SP140L: variants seen among roughly 807,000 people sequenced by gnomAD.
SP140L encodes the protein nuclear body protein SP140-like protein.
SP140L carries 64 observed loss-of-function variants against 84.3 expected under a neutral mutation model. The ratio of observed to expected loss-of-function variants is 0.76; its 90% CI spans 0.62 to 0.94. SP140L has a LOEUF of 0.94. Ranked by LOEUF, SP140L falls within the 40% of genes least tolerant of loss-of-function variation. The pLI is 0.00. For missense variants in SP140L, 628 were observed against 692.5 expected (o/e 0.91, Z 1.05); for synonymous variants, 242 against 236.9 (o/e 1.02, Z -0.20).
At chr2:230,366,701 GATTATTATCTATT>G (rs890989717) in intron 5 of SP140L, among the ~76,000 whole-genome samples, 20 of 88,218 alleles carry the variant, frequency 2.3e-4, no homozygotes, top group African/African-American at 1.1e-3. Context: ...TTGTTTTGTG[GATTATTATCTATT>G]ATTATTATTA....
intron 2 of SP140L, among the ~76,000 whole-genome samples, chr2:230,354,717 A>G (rs966164859): frequency 2.1e-5 from 3 of 140,680 alleles, no homozygotes; most frequent in South Asian, 2.6e-4. Flanking sequence ...TGAGGCTGCC[A>G]TGAACTATGA....
At chr2:230,350,708 A>G (rs1266926632) in intron 2 of SP140L, among the ~76,000 whole-genome samples, 1 of 152,100 alleles carries the variant, frequency 6.6e-6, no homozygotes, top group Admixed American at 6.6e-5. Flanking sequence ...AAGAGCATGG[A>G]AAAAAGAGAG....
chr2:230,330,570 AT>A (rs1297598510), intron 2 of SP140L, among the ~76,000 whole-genome samples: 1 of 152,240 alleles, frequency 6.6e-6, no homozygotes, highest in Non-Finnish European at 1.5e-5. Flanking sequence ...CATATTTACA[AT>A]ATTATGCCTT....
chr2:230,333,409 C>T (rs1225059957), intron 2 of SP140L, among the ~76,000 whole-genome samples: 2 of 152,120 alleles, frequency 1.3e-5, no homozygotes, highest in African/African-American at 4.8e-5. Flanking sequence ...CCACTCGCTT[C>T]GGCCTCCCAA....
chr2:230,388,852 G>T, intron 10 of SP140L: 1 of 400,934 alleles, frequency 2.5e-6, no homozygotes, highest in South Asian at 4.2e-5. Context: ...GCCCCAGGGG[G>T]TCACTAAAGT....
chr2:230,360,859 G>C (rs897133314), intron 4 of SP140L, among the ~76,000 whole-genome samples: 2 of 152,166 alleles, frequency 1.3e-5, no homozygotes, highest in East Asian at 1.9e-4. Flanking sequence ...TCTGGGAACT[G>C]TTCATCCTCC....
chr2:230,389,981 G>T lies in SP140L; in HGVS notation c.922G>T (p.Gly308Cys). 6.2e-7 allele frequency: 1 copy of T among 1,613,842 alleles called. No homozygotes were observed. ...GGCTCCTTTACTTCCAGTGACCTGT[G>T]GTGGGGTGAAGGGAATTTTACATAA... The part of the protein sequence containing the change: ...FQAPLLPVTC[G>C]GVKGILHKEK... Residue 308 changes from glycine (G) to cysteine (C), a missense_variant, in exon 11 of 19, where the codon GGT becomes TGT. Coordinates refer to ENST00000415673, the MANE Select transcript of SP140L (RefSeq NM_138402.6).
intron 8 of SP140L, among the ~76,000 whole-genome samples, chr2:230,383,936 CAT>C (rs1559449444): frequency 1.3e-5 from 2 of 151,910 alleles, no homozygotes; most frequent in Admixed American, 6.6e-5. Context: ...TATATATATA[CAT>C]ATATATAACC....
intron 18 of SP140L, among the ~76,000 whole-genome samples, chr2:230,402,344 A>G (rs71415749): frequency 1.2e-4 from 19 of 152,348 alleles, no homozygotes; most frequent in East Asian, 7.7e-4. Context: ...CAAAGGCAAA[A>G]AAGTAATAAT....
chr2:230,373,443 A>G (rs2061149883), intron 7 of SP140L, among the ~76,000 whole-genome samples: 1 of 152,200 alleles, frequency 6.6e-6, no homozygotes, highest in African/African-American at 2.4e-5. Flanking sequence ...CCATTCTGAA[A>G]GTCCTAGGGC....
intron 9 of SP140L, 45 bp from the exon 10 acceptor site, chr2:230,388,514 C>T: frequency 2.6e-6 from 4 of 1,520,034 alleles, no homozygotes; most frequent in South Asian, 2.5e-5. Flanking sequence ...ATATGTAACA[C>T]AGCTGCTCAT....
Position 230,400,157 on chromosome 2 carries a change from C to T in SP140L, c.1228C>T (p.Arg410Trp), listed in dbSNP as rs140785296. 3.5e-4 allele frequency: 557 copies of T among 1,614,098 alleles called. 4 individuals are homozygous for T. The African/African-American group carries it at 5.6e-3, about 16-fold the overall frequency. ...AAACTTGGATGAGTGTGAGGTGTGC[C>T]GGGACGGAGGGGAGCTGTTCTGTTG... ...MRNLDECEVC[R>W]DGGELFCCDT... Residue 410 changes from arginine (R) to tryptophan (W), a missense_variant, in exon 15 of 19, where the codon CGG (arginine) becomes TGG (tryptophan). This residue lies in a region of SP140L where 525 missense variants were observed against 518.4 expected (regional missense o/e 1.01). Coordinates refer to ENST00000415673, the MANE Select transcript of SP140L (RefSeq NM_138402.6).
At chr2:230,332,274 C>A (rs1352716477) in intron 2 of SP140L, among the ~76,000 whole-genome samples, 1 of 152,164 alleles carries the variant, frequency 6.6e-6, no homozygotes, top group Non-Finnish European at 1.5e-5. Context: ...ATTAAAATAT[C>A]AAACAGTCAA....
At chr2:230,364,458 C>T (rs2396745) in intron 5 of SP140L, among the ~76,000 whole-genome samples, 101,309 of 151,960 alleles carry the variant, frequency 0.67, 35,053 homozygotes, top group East Asian at 1. Flanking sequence ...TCATTGTTAG[C>T]GTATAGAAAT....
At position 230,390,485 on chromosome 2, in the gene SP140L, G is replaced by A. The variant is rs1278190322; in HGVS notation, c.964+462G>A. Among the ~76,000 whole-genome samples the A allele has an allele frequency of 2.0e-5, 3 of 152,160 alleles. No homozygotes were observed. The East Asian group carries it at 5.8e-4, about 29-fold the overall frequency. On this transcript the variant is annotated intron_variant, in intron 11 of 18. Transcript: ENST00000415673. ...CTGTTCCATTCTGAGTAGAGAAGGG[G>A]ACCTTTCTGAATGTGAAATCTCTCA...
Position 230,347,722 on chromosome 2 carries a change from TG to T in SP140L, c.108-10078del, listed in dbSNP as rs549562747. Among the ~76,000 whole-genome samples the T allele has an allele frequency of 5.9e-5, 9 of 152,182 alleles. No individual in the cohort carries two copies. The South Asian group carries it at 1.9e-3, about 32-fold the overall frequency. On this transcript the variant is annotated intron_variant, in intron 2 of 18. Transcript: ENST00000415673. Reference sequence around the variant, plus strand: ...GCTTTGAGGCTGGGCAGAATCTCTTTGGGGGTTCCCTGGTCCAACAAGACAG... The same window carrying T: ...GCTTTGAGGCTGGGCAGAATCTCTTTGGGGTTCCCTGGTCCAACAAGACAG...
intron 5 of SP140L, 97 bp from the exon 6 acceptor site, chr2:230,370,811 G>A: frequency 2.5e-6 from 3 of 1,187,240 alleles, no homozygotes; most frequent in African/African-American, 3.0e-5. Context: ...GAGGGTTATT[G>A]GGGCAAATTA....
At chr2:230,400,698 CT>C in intron 15 of SP140L, 1 of 780,568 alleles carries the variant, frequency 1.3e-6, no homozygotes, top group Non-Finnish European at 2.0e-6. Flanking sequence ...CTCCCAGCAG[CT>C]CAGACAGGGA....
intron 14 of SP140L, among the ~76,000 whole-genome samples, chr2:230,398,192 C>T (rs1178212656): frequency 6.6e-6 from 1 of 152,148 alleles, no homozygotes; most frequent in Non-Finnish European, 1.5e-5. Flanking sequence ...CCAGATGATG[C>T]TGATACATAG....
Sources: gnomAD v4.1 joint callset for allele counts (sites outside exome capture counted in the v4.1 genomes callset) on GRCh38, gnomAD v4.1.1 for gene constraint, gnomAD v4.1.1 regional missense constraint, MANE v1.5 for transcripts, NCBI Gene and HGNC (gene_info 2026-07-23, HGNC 2026-07-21) for gene names.